CAMTA1: variants seen among roughly 807,000 people sequenced by gnomAD.
The protein encoded by CAMTA1 is calmodulin-binding transcription activator 1.
Under a neutral mutation model 170.9 loss-of-function variants are expected in CAMTA1, and 27 were observed. The observed-to-expected ratio is 0.16, with a 90% CI of 0.12 to 0.22. The LOEUF (loss-of-function observed/expected upper bound fraction) is 0.22, where lower values mean the gene tolerates loss of function less well. Ranked by LOEUF, CAMTA1 falls within the 10% of genes least tolerant of loss-of-function variation. CAMTA1 has a pLI of 1.00. For missense variants in CAMTA1, 1,619 were observed against 2,217.2 expected (o/e 0.73, Z 5.42); for synonymous variants, 833 against 891.5 (o/e 0.93, Z 1.17).
chr1:7,104,017 C>T (rs536533216), intron 4 of CAMTA1, among the ~76,000 whole-genome samples: 1 of 143,834 alleles, frequency 7.0e-6, no homozygotes, highest in Admixed American at 7.0e-5. Context: ...ACACTACACA[C>T]ATGTACACAC....
chr1:7,461,180 C>G (rs1254407065), intron 5 of CAMTA1, among the ~76,000 whole-genome samples: 1 of 152,208 alleles, frequency 6.6e-6, no homozygotes, highest in Admixed American at 6.5e-5. Context: ...ACAGAAGGCT[C>G]TGGGGAATCT....
At chr1:7,666,507 G>A (rs1023816267) in intron 9 of CAMTA1, among the ~76,000 whole-genome samples, 1 of 152,214 alleles carries the variant, frequency 6.6e-6, no homozygotes, top group Non-Finnish European at 1.5e-5. Context: ...TGCTTTTTCT[G>A]TAGAGCAGAA....
chr1:7,393,738 C>T (rs80062304), intron 5 of CAMTA1, among the ~76,000 whole-genome samples: 3,800 of 152,202 alleles, frequency 0.025, 105 homozygotes, highest in African/African-American at 0.063. Flanking sequence ...TTAGCTATTT[C>T]GAAATATAGA....
At chr1:6,998,390 C>T (rs17030127) in intron 3 of CAMTA1, among the ~76,000 whole-genome samples, 23,417 of 152,296 alleles carry the variant, frequency 0.15, 2,029 homozygotes, top group South Asian at 0.25. Flanking sequence ...TTCCCCTCAT[C>T]TGAGTCCAGA....
intron 4 of CAMTA1, among the ~76,000 whole-genome samples, chr1:7,117,137 A>G (rs1036706460): frequency 2.0e-5 from 3 of 148,788 alleles, no homozygotes; most frequent in Non-Finnish European, 4.4e-5. Flanking sequence ...TACCCAGCTA[A>G]TTTTTGTATT....
chr1:6,986,854 C>T (rs896548276), intron 3 of CAMTA1, among the ~76,000 whole-genome samples: 1 of 152,036 alleles, frequency 6.6e-6, no homozygotes, highest in Non-Finnish European at 1.5e-5. Context: ...CCTGATGACG[C>T]ACTCCTGCTG....
chr1:7,155,291 C>T (rs982457338), intron 4 of CAMTA1, among the ~76,000 whole-genome samples: 3 of 150,480 alleles, frequency 2.0e-5, no homozygotes, highest in African/African-American at 4.9e-5. Context: ...CTCGTCATGC[C>T]GGGCAGCGCC....
At chr1:7,715,790 G>A (rs760578141) in intron 11 of CAMTA1, among the ~76,000 whole-genome samples, 5 of 152,234 alleles carry the variant, frequency 3.3e-5, no homozygotes, top group Admixed American at 6.5e-5. Flanking sequence ...TGCCGTGCCG[G>A]CATGGGAGAG....
intron 11 of CAMTA1, among the ~76,000 whole-genome samples, chr1:7,689,498 G>C (rs1200164863): frequency 6.6e-6 from 1 of 152,072 alleles, no homozygotes; most frequent in Non-Finnish European, 1.5e-5. Flanking sequence ...AGGATCGCTT[G>C]AGCCCTGGAG....
Position 6,965,298 on chromosome 1 carries a change from T to A in CAMTA1, c.235-126006T>A, listed in dbSNP as rs1236829543. On this transcript the variant is annotated intron_variant, in intron 3 of 22. Coordinates refer to ENST00000303635, the MANE Select transcript of CAMTA1 (RefSeq NM_015215.4). The surrounding 1 kb of genome is among the most constrained non-coding windows in gnomAD (Gnocchi z 4.1). ...GCACATGTTTAAGTGTGTGCTTGTG[T>A]CTGTGCATGTGTGTATGTGTGTGGG... 2.0e-5 allele frequency among the ~76,000 whole-genome samples: 3 copies of A among 152,102 alleles called. No individual in the cohort carries two copies. The highest frequency in any genetic ancestry group is 4.4e-5 in the Non-Finnish European group (3 of 68,006).
intron 6 of CAMTA1, among the ~76,000 whole-genome samples, chr1:7,495,648 A>T (rs1181432848): frequency 6.6e-6 from 1 of 152,120 alleles, no homozygotes; most frequent in African/African-American, 2.4e-5. Flanking sequence ...AACACCCTAC[A>T]CACTTTGCCT....
chr1:6,882,202 T>C (rs1358676309), intron 3 of CAMTA1, among the ~76,000 whole-genome samples: 2 of 152,220 alleles, frequency 1.3e-5, no homozygotes, highest in Non-Finnish European at 2.9e-5. Flanking sequence ...TCCAGTTCTA[T>C]TGAAACAGAG....
chr1:7,000,298 C>T lies in CAMTA1; in HGVS notation c.235-91006C>T, dbSNP rs1698034001. Among the ~76,000 whole-genome samples the T allele has an allele frequency of 1.3e-5, 2 of 152,262 alleles. 1 individual carries two copies. The highest frequency in any genetic ancestry group is 4.1e-4 in the South Asian group (2 of 4,836). On this transcript the variant is annotated intron_variant, in intron 3 of 22. Coordinates refer to ENST00000303635, the MANE Select transcript of CAMTA1 (RefSeq NM_015215.4). ...ATGCTTGTCTTCCCCAGGAACTTCT[C>T]ACCATTTCTACCCAAGACTTTCCTC...
At chr1:7,696,982 G>C (rs1057058415) in intron 11 of CAMTA1, among the ~76,000 whole-genome samples, 1 of 152,182 alleles carries the variant, frequency 6.6e-6, no homozygotes, top group African/African-American at 2.4e-5. Context: ...TCTGGGCCTA[G>C]GTCGTCTCAC....
chr1:6,833,762 A>C (rs878902595), intron 3 of CAMTA1, among the ~76,000 whole-genome samples: 1 of 152,174 alleles, frequency 6.6e-6, no homozygotes, highest in South Asian at 2.1e-4. Context: ...CAAATCACAA[A>C]CTTGAGCAAT....
chr1:7,155,394 G>C (rs562880536), intron 4 of CAMTA1, among the ~76,000 whole-genome samples: 1 of 151,942 alleles, frequency 6.6e-6, no homozygotes, highest in African/African-American at 2.4e-5. Context: ...CGTTGGGGGG[G>C]GGATTGGGCA....
chr1:7,131,545 G>C lies in CAMTA1; in HGVS notation c.302+40174G>C, dbSNP rs1445681438. On this transcript the variant is annotated intron_variant, in intron 4 of 22. Coordinates refer to ENST00000303635, the MANE Select transcript of CAMTA1 (RefSeq NM_015215.4). ...TTCTTTTTTTTTTTTTTTTCTTGCT[G>C]TGGCTACCTGATTATTCCTGCACTA... Among the ~76,000 whole-genome samples, 3 of 143,388 alleles carry C rather than the reference G, an allele frequency of 2.1e-5. No homozygotes were observed. In the East Asian group the frequency reaches 6.1e-4, roughly 29 times the overall value. The allele number at this position is 143,388 out of a possible 152,430, so 94.1% of individuals were successfully genotyped here. A position where few individuals can be genotyped will look rare whatever the true frequency, so the allele number is the denominator to read the frequency against.
intron 3 of CAMTA1, among the ~76,000 whole-genome samples, chr1:6,828,286 C>CTTTTTTTTTTTTT (rs746522147): frequency 2.9e-5 from 2 of 69,714 alleles, no homozygotes; most frequent in Admixed American, 2.1e-4. Context: ...TCATTCCATC[C>CTTTTTTTTTTTTT]TTTTTTTTTT....
At chr1:7,416,254 C>T (rs959521067) in intron 5 of CAMTA1, among the ~76,000 whole-genome samples, 21 of 152,048 alleles carry the variant, frequency 1.4e-4, no homozygotes, top group Non-Finnish European at 1.0e-4. Flanking sequence ...TTGCTCTTCT[C>T]GAGGAGTATC....
Sources: gnomAD v4.1 joint callset for allele counts (sites outside exome capture counted in the v4.1 genomes callset) on GRCh38, gnomAD v4.1.1 for gene constraint, Gnocchi (gnomAD v3.1) non-coding constraint, MANE v1.5 for transcripts, NCBI Gene and HGNC (gene_info 2026-07-23, HGNC 2026-07-21) for gene names.